DCAF1: variants seen among roughly 807,000 people sequenced by gnomAD.
The protein encoded by DCAF1 is DDB1- and CUL4-associated factor 1.
DCAF1 carries 15 observed loss-of-function variants against 128.0 expected under a neutral mutation model. The ratio of observed to expected loss-of-function variants is 0.12; its 90% confidence interval spans 0.08 to 0.18. DCAF1 has a LOEUF of 0.18. Ranked by LOEUF, DCAF1 falls within the 10% of genes least tolerant of loss-of-function variation. The pLI, the probability that DCAF1 is intolerant of heterozygous loss-of-function variation, is 1.00. For synonymous variants in DCAF1, 610 were observed against 603.0 expected (o/e 1.01, Z -0.17); for missense variants, 988 against 1,649.5 (o/e 0.60, Z 6.95).
At position 51,483,813 on chromosome 3, in the gene DCAF1, C is replaced by G. The variant is rs1405900256; in HGVS notation, c.16G>C (p.Val6Leu). 1 of 1,613,308 alleles carries G rather than the reference C, an allele frequency of 6.2e-7. No individual in the cohort carries two copies. The highest frequency in any genetic ancestry group is 8.5e-7 in the Non-Finnish European group (1 of 1,179,620). The change falls in exon 3 of 25, where the codon GTA (valine) becomes CTA (leucine). Residue 6 changes from valine (V) to leucine (L), a missense_variant. By Grantham distance (32) the Val-to-Leu change is conservative. Transcript: ENST00000684031. Reference protein sequence around the residue: MTTVVVHVDSKAELTT... With the variant: MTTVVLHVDSKAELTT... ...AGCTCAGCTTTGGAGTCCACATGTA[C>G]CACTACTGTAGTCATGGCTTTGCCT...
intron 3 of DCAF1, among the ~76,000 whole-genome samples, chr3:51,481,650 G>A (rs781925664): frequency 2.0e-5 from 3 of 151,688 alleles, no homozygotes; most frequent in South Asian, 2.1e-4. Context: ...AGCCAAGATC[G>A]CACCACTGCC....
At chr3:51,418,256 T>C in intron 16 of DCAF1, 58 bp from the exon 17 acceptor site, 3 of 1,535,030 alleles carry the variant, frequency 2.0e-6, no homozygotes, top group Non-Finnish European at 2.6e-6. Flanking sequence ...CAGATGTCAC[T>C]ACCTGCCATT....
upstream of DCAF1, among the ~76,000 whole-genome samples, chr3:51,501,573 C>G (rs12490471): frequency 0.068 from 10,275 of 152,190 alleles, 913 homozygotes; most frequent in East Asian, 0.33. Flanking sequence ...TCAGGCTCGA[C>G]AGCTAGTAAG....
upstream of DCAF1, among the ~76,000 whole-genome samples, chr3:51,504,381 C>A (rs1199700111): frequency 6.6e-6 from 1 of 151,272 alleles, no homozygotes; most frequent in East Asian, 1.9e-4. Flanking sequence ...TGGAGCCTCA[C>A]TCTGTCCCCA....
chr3:51,406,920 G>A (rs1180240421), intron 23 of DCAF1, among the ~76,000 whole-genome samples: 2 of 152,180 alleles, frequency 1.3e-5, no homozygotes, highest in Non-Finnish European at 2.9e-5. Flanking sequence ...TTGGCTGGGC[G>A]CAGTGGCTCA....
At chr3:51,422,938 C>T (rs1553632990) in intron 13 of DCAF1, among the ~76,000 whole-genome samples, 1 of 151,772 alleles carries the variant, frequency 6.6e-6, no homozygotes, top group African/African-American at 2.4e-5. Flanking sequence ...TGTGGTAGCA[C>T]GTGCCTGTAG....
In DCAF1 at chr3:51,499,926, T is replaced by TCACA. The variant is rs573919210; in HGVS notation, c.-113_-110dup. 1 of 130,624 alleles carries TCACA rather than the reference T, an allele frequency of 7.7e-6. No individual in the cohort carries two copies. The highest frequency in any genetic ancestry group is 1.6e-5 in the Non-Finnish European group (1 of 61,666). The allele number at this position is 130,624 out of a possible 1,614,324, so 8.1% of individuals were successfully genotyped here. A position where few individuals can be genotyped will look rare whatever the true frequency, so the allele number is the denominator to read the frequency against. ...CCCCGACCCCGCCAGTGGCCACAGT[T>TCACA]CACACACACACAGCCTCAGGTCCCG... On this transcript the variant is annotated 5_prime_UTR_variant, in exon 1 of 25. Transcript: ENST00000684031.
chr3:51,430,631 T>C (rs1396499232), intron 10 of DCAF1, among the ~76,000 whole-genome samples: 1 of 152,216 alleles, frequency 6.6e-6, no homozygotes, highest in Non-Finnish European at 1.5e-5. Flanking sequence ...ACACACATTT[T>C]GATGTCTACT....
rs186433614 is a variant in DCAF1, at chr3:51,469,458, G to A, written c.187+1471C>T. ...TTGGTCAGGCTGGTCGCAAACTCCCGACCTCAGGTGATCCTCCTGCCTCGG... is the reference window on the plus strand; with the variant it reads ...TTGGTCAGGCTGGTCGCAAACTCCCAACCTCAGGTGATCCTCCTGCCTCGG... On this transcript the variant is annotated intron_variant, in intron 4 of 24. Transcript: ENST00000684031. Among the ~76,000 whole-genome samples the A allele has an allele frequency of 8.4e-4, 128 of 151,722 alleles. 3 individuals are homozygous for A. In the East Asian group the frequency reaches 0.024, roughly 29 times the overall value.
At chr3:51,426,689 G>C (rs1699937805) in intron 13 of DCAF1, among the ~76,000 whole-genome samples, 1 of 152,048 alleles carries the variant, frequency 6.6e-6, no homozygotes, top group Non-Finnish European at 1.5e-5. Flanking sequence ...TTTAAATGCT[G>C]GGATTTAACA....
At chr3:51,425,648 T>C (rs1699844836) in intron 13 of DCAF1, among the ~76,000 whole-genome samples, 1 of 145,988 alleles carries the variant, frequency 6.8e-6, no homozygotes. Flanking sequence ...CTGCATTCTC[T>C]ACCTCCTGGG....
At chr3:51,426,435 T>C (rs1553634078) in intron 13 of DCAF1, among the ~76,000 whole-genome samples, 2 of 152,222 alleles carry the variant, frequency 1.3e-5, no homozygotes, top group African/African-American at 4.8e-5. Flanking sequence ...GTCTCAAACT[T>C]CGGACCTCAA....
intron 6 of DCAF1, among the ~76,000 whole-genome samples, chr3:51,446,952 CT>C (rs1272542476): frequency 1.9e-5 from 1 of 53,800 alleles, no homozygotes; most frequent in Non-Finnish European, 3.8e-5. Context: ...AAGAACAAAA[CT>C]TTGTCTCAAA....
At chr3:51,453,295 G>A (rs1261615778) in intron 6 of DCAF1, among the ~76,000 whole-genome samples, 2 of 152,016 alleles carry the variant, frequency 1.3e-5, no homozygotes, top group African/African-American at 4.8e-5. Context: ...AGCTAAATAA[G>A]AATCAAGATC....
At chr3:51,460,854 C>T (rs1444794136) in intron 6 of DCAF1, among the ~76,000 whole-genome samples, 6 of 150,146 alleles carry the variant, frequency 4.0e-5, no homozygotes, top group Admixed American at 4.0e-4. Context: ...AACTGGCTAG[C>T]CATATGTAGA....
At chr3:51,465,058 A>T (rs1703991896) in intron 5 of DCAF1, among the ~76,000 whole-genome samples, 1 of 152,230 alleles carries the variant, frequency 6.6e-6, no homozygotes, top group Non-Finnish European at 1.5e-5. Context: ...TTAGAGGAGG[A>T]CAAGACAAGA....
At position 51,427,477 on chromosome 3, in the gene DCAF1, G is replaced by A. The variant is rs376656318; in HGVS notation, c.1742C>T (p.Ala581Val). 9.2e-5 allele frequency: 72 copies of A among 779,180 alleles called. 1 individual carries two copies. The highest frequency in any genetic ancestry group is 8.9e-4 in the South Asian group (66 of 74,298). The allele number at this position is 779,180 out of a possible 1,614,324, so 48.3% of individuals were successfully genotyped here. The change falls in exon 13 of 25, where the codon GCG becomes GTG. Residue 581 changes from alanine to valine, a missense_variant. By Grantham distance (64) the Ala-to-Val change is moderately conservative. Around this residue, in one of 11 missense-constraint regions of DCAF1, gnomAD observed 185 missense variants for 248.1 expected, o/e 0.75. Transcript: ENST00000684031. ...MMEFLIEYGP[A>V]QLYWEPAEVF... ...TTCAGCTGGTTCCCAATATAGCTGC[G>A]CTGGGCCATATTCTATCAAAAATTC... is the stretch of plus-strand genomic sequence containing the variant.
chr3:51,412,562 T>C, intron 22 of DCAF1, 82 bp from the exon 23 acceptor site: 2 of 1,586,022 alleles, frequency 1.3e-6, no homozygotes, highest in South Asian at 1.1e-5. Flanking sequence ...CTGGTGCCCA[T>C]GACCTTGACC....
intron 4 of DCAF1, 91 bp downstream of exon 4, chr3:51,470,838 C>G: frequency 1.1e-6 from 1 of 932,800 alleles, no homozygotes; most frequent in Non-Finnish European, 1.5e-6. Context: ...AGCAATTTTT[C>G]TTTTTTAGAA....
Sources: allele counts gnomAD v4.1 joint callset (sites outside exome capture counted in the v4.1 genomes callset), GRCh38; gene constraint gnomAD v4.1.1; regional missense constraint gnomAD v4.1.1; transcripts MANE v1.5; gene names NCBI Gene and HGNC (gene_info 2026-07-23, HGNC 2026-07-21).